Variants in RUNDC3B observed in about 807,000 individuals in gnomAD.
RUNDC3B encodes RUN domain containing 3B.
Under a neutral mutation model 58.4 loss-of-function variants are expected in RUNDC3B, and 33 were observed. That is an observed-to-expected ratio of 0.56 (90% CI 0.43 to 0.75). The LOEUF (loss-of-function observed/expected upper bound fraction) is 0.75. RUNDC3B is among the 30% of genes least tolerant of loss of function. The probability of loss-of-function intolerance (pLI) is 0.00; values close to 1 mark genes in which losing one functional copy is unlikely to be tolerated. For missense variants in RUNDC3B, 501 were observed against 535.7 expected (o/e 0.94, Z 0.64); for synonymous variants, 193 against 195.2 (o/e 0.99, Z 0.10).
intron 2 of RUNDC3B, among the ~76,000 whole-genome samples, chr7:87,677,659 A>G (rs1347621155): frequency 1.3e-5 from 2 of 152,190 alleles, no homozygotes; most frequent in Non-Finnish European, 2.9e-5. Flanking sequence ...ACATACACAC[A>G]CAAAAATCCA....
chr7:87,700,614 G>T, intron 3 of RUNDC3B, 60 bp downstream of exon 3: 1 of 1,491,040 alleles, frequency 6.7e-7, no homozygotes, highest in Middle Eastern at 1.8e-4. Flanking sequence ...ATTTGGAATA[G>T]CAGGAAGGTG....
chr7:87,758,915 T>C (rs1390438022), intron 6 of RUNDC3B, among the ~76,000 whole-genome samples: 2 of 152,136 alleles, frequency 1.3e-5, no homozygotes, highest in Middle Eastern at 3.2e-3. Flanking sequence ...TGGAGAACAG[T>C]ATGAAGGTTT....
At position 87,740,955 on chromosome 7, in the gene RUNDC3B, A is replaced by G. The variant is rs148707262; in HGVS notation, c.549-544A>G. On this transcript the variant is annotated intron_variant, in intron 5 of 10. Transcript: ENST00000394654. ...CGCGGTGGCTTTCACCTGTAATCCC[A>G]ACACTTTAGGAGGCTGAGGCGGGCA... is the stretch of plus-strand genomic sequence containing the variant. Among the ~76,000 whole-genome samples the G allele has an allele frequency of 1.7e-3, 253 of 152,256 alleles. 4 individuals carry two copies. In the East Asian group the frequency reaches 0.046, roughly 28 times the overall value.
chr7:87,705,819 A>G (rs1829533554), intron 3 of RUNDC3B, among the ~76,000 whole-genome samples: 2 of 152,144 alleles, frequency 1.3e-5, no homozygotes, highest in African/African-American at 4.8e-5. Context: ...ACCACTCCCA[A>G]TTGAATCTTT....
intron 8 of RUNDC3B, among the ~76,000 whole-genome samples, chr7:87,789,233 A>G (rs1303679589): frequency 6.6e-6 from 1 of 152,190 alleles, no homozygotes; most frequent in Non-Finnish European, 1.5e-5. Context: ...TAGCTGATGA[A>G]TGTTTTTTCT....
At chr7:87,672,594 T>G (rs1825937471) in intron 2 of RUNDC3B, among the ~76,000 whole-genome samples, 1 of 152,206 alleles carries the variant, frequency 6.6e-6, no homozygotes, top group South Asian at 2.1e-4. Flanking sequence ...CTTCTTTTGC[T>G]GGAAAGCCCA....
chr7:87,712,416 A>G (rs2130748303), intron 4 of RUNDC3B, among the ~76,000 whole-genome samples: 1 of 152,254 alleles, frequency 6.6e-6, no homozygotes, highest in African/African-American at 2.4e-5. Flanking sequence ...ATCGTATCAG[A>G]ATCGAGTAGC....
intron 2 of RUNDC3B, among the ~76,000 whole-genome samples, chr7:87,695,277 CTAA>C (rs1563140325): frequency 6.6e-6 from 1 of 152,024 alleles, no homozygotes; most frequent in African/African-American, 2.4e-5. Flanking sequence ...TAAACCTCAA[CTAA>C]TAATAGTACC....
chr7:87,675,029 T>C (rs1214822930), intron 2 of RUNDC3B, among the ~76,000 whole-genome samples: 3 of 152,220 alleles, frequency 2.0e-5, no homozygotes, highest in African/African-American at 4.8e-5. Flanking sequence ...CCCTGCCAGC[T>C]TAAGTGTCTG....
intron 8 of RUNDC3B, among the ~76,000 whole-genome samples, chr7:87,792,279 C>A (rs1340623899): frequency 6.6e-6 from 1 of 152,072 alleles, no homozygotes; most frequent in East Asian, 1.9e-4. Flanking sequence ...GACTTTAACA[C>A]CCCACCTTCA....
intron 2 of RUNDC3B, among the ~76,000 whole-genome samples, chr7:87,660,788 T>A (rs1471023082): frequency 6.6e-6 from 1 of 151,978 alleles, no homozygotes; most frequent in Non-Finnish European, 1.5e-5. Flanking sequence ...CATTTTTAAG[T>A]AATTTCTACT....
intron 2 of RUNDC3B, among the ~76,000 whole-genome samples, chr7:87,678,615 A>C (rs1826612692): frequency 6.6e-6 from 1 of 152,218 alleles, no homozygotes; most frequent in South Asian, 2.1e-4. Flanking sequence ...GATATGTTAA[A>C]TATAAATGGC....
chr7:87,825,580 G>A (rs1837760296), intron 10 of RUNDC3B, among the ~76,000 whole-genome samples: 1 of 152,214 alleles, frequency 6.6e-6, no homozygotes, highest in Non-Finnish European at 1.5e-5. Flanking sequence ...TAGTGGAGCT[G>A]TGAGAAAAGG....
chr7:87,698,811 G>A (rs1433996401), intron 2 of RUNDC3B, among the ~76,000 whole-genome samples: 1 of 152,128 alleles, frequency 6.6e-6, no homozygotes, highest in Non-Finnish European at 1.5e-5. Context: ...GTAAGCACAG[G>A]GTCCTGTGCC....
chr7:87,700,706 A>G, intron 3 of RUNDC3B, 152 bp downstream of exon 3: 1 of 672,056 alleles, frequency 1.5e-6, no homozygotes, highest in South Asian at 2.4e-5. Flanking sequence ...ACATTTCTTG[A>G]ATTATCTAAA....
intron 6 of RUNDC3B, among the ~76,000 whole-genome samples, chr7:87,766,712 A>G (rs1475320756): frequency 6.6e-6 from 1 of 151,984 alleles, no homozygotes; most frequent in Admixed American, 6.6e-5. Context: ...TCTGATGATC[A>G]TATGCCTTGG....
At chr7:87,777,672 A>T (rs1345031973) in intron 7 of RUNDC3B, 126 bp from the exon 8 acceptor site, 9 of 648,950 alleles carry the variant, frequency 1.4e-5, no homozygotes, top group African/African-American at 5.7e-5. Context: ...CTAATTTATC[A>T]GTAATGCTTT....
At chr7:87,677,151 C>G (rs936858440) in intron 2 of RUNDC3B, among the ~76,000 whole-genome samples, 5 of 151,948 alleles carry the variant, frequency 3.3e-5, no homozygotes, top group African/African-American at 1.2e-4. Context: ...AAGATAAAAT[C>G]AGTATTTGGA....
At chr7:87,802,356 C>T (rs1411703407) in intron 8 of RUNDC3B, among the ~76,000 whole-genome samples, 1 of 152,036 alleles carries the variant, frequency 6.6e-6, no homozygotes, top group Non-Finnish European at 1.5e-5. Context: ...GATTGTGCTA[C>T]TGCACTCCAG....
Sources: allele counts gnomAD v4.1 joint callset (sites outside exome capture counted in the v4.1 genomes callset), GRCh38; gene constraint gnomAD v4.1.1; transcripts MANE v1.5; gene names NCBI Gene and HGNC (gene_info 2026-07-23, HGNC 2026-07-21).